The following WHRN variants were observed in gnomAD, a reference collection of about 807,000 sequenced individuals.
WHRN encodes CASK-interacting protein CIP98.
A neutral mutation model predicts 68.3 loss-of-function variants in WHRN; 41 were observed. The ratio of observed to expected loss-of-function variants is 0.60; its 90% CI spans 0.47 to 0.78. The LOEUF (loss-of-function observed/expected upper bound fraction) is 0.78, where lower values mean the gene tolerates loss of function less well. WHRN is among the 30% of genes least tolerant of loss of function. The pLI, the probability that WHRN is intolerant of heterozygous loss-of-function variation, is 0.00. For synonymous variants in WHRN, 560 were observed against 561.3 expected (o/e 1.00, Z 0.03); for missense variants, 1,243 against 1,244.7 (o/e 1.00, Z 0.02).
At chr9:114,478,203 G>A (rs1841808200) in intron 2 of WHRN, 2 of 622,196 alleles carry the variant, frequency 3.2e-6, no homozygotes, top group South Asian at 2.0e-5. Flanking sequence ...CACAAGAATT[G>A]CTTGAACCCT....
chr9:114,438,557 A>C (rs542768192), intron 3 of WHRN, among the ~76,000 whole-genome samples: 20 of 148,432 alleles, frequency 1.3e-4, no homozygotes, highest in Non-Finnish European at 2.5e-4. Flanking sequence ...TGTTCACACC[A>C]TTCTCCTGCC....
chr9:114,436,583 C>T (rs557866148), intron 3 of WHRN, among the ~76,000 whole-genome samples: 15 of 152,276 alleles, frequency 9.9e-5, no homozygotes, highest in African/African-American at 3.4e-4. Flanking sequence ...AATCCCAGCA[C>T]CTTGTGGGGC....
At chr9:114,413,545 C>A (rs965004752) in intron 7 of WHRN, among the ~76,000 whole-genome samples, 4 of 152,072 alleles carry the variant, frequency 2.6e-5, no homozygotes, top group Non-Finnish European at 5.9e-5. Context: ...CAGGTGGCGA[C>A]GGGGAATCAT....
At chr9:114,499,339 C>T (rs565190708) in intron 1 of WHRN, among the ~76,000 whole-genome samples, 5 of 152,242 alleles carry the variant, frequency 3.3e-5, no homozygotes, top group South Asian at 4.2e-4. Flanking sequence ...TAGAAGTCTG[C>T]GTGAGTTCAG....
chr9:114,461,669 G>A (rs139309209), intron 3 of WHRN, among the ~76,000 whole-genome samples: 1,993 of 152,204 alleles, frequency 0.013, 56 homozygotes, highest in Admixed American at 0.071. Context: ...CTTTCTGCCT[G>A]GAATTCTCAC....
At chr9:114,405,747 G>A (rs879341909) in intron 9 of WHRN, among the ~76,000 whole-genome samples, 44 of 152,220 alleles carry the variant, frequency 2.9e-4, no homozygotes, top group Non-Finnish European at 4.0e-4. Flanking sequence ...CACTGTAGCC[G>A]CAAGATGGCA....
chr9:114,418,518 C>A (rs1412583729), intron 7 of WHRN, among the ~76,000 whole-genome samples: 1 of 152,212 alleles, frequency 6.6e-6, no homozygotes, highest in African/African-American at 2.4e-5. Context: ...ATCAGGGGGA[C>A]CCTGTTAAAT....
intron 4 of WHRN, 70 bp from the exon 5 acceptor site, chr9:114,425,094 G>A: frequency 1.3e-6 from 2 of 1,498,758 alleles, no homozygotes; most frequent in South Asian, 1.1e-5. Context: ...AAGGGACAGG[G>A]TGACTTGGGG....
intron 1 of WHRN, chr9:114,503,220 G>C: frequency 1.0e-6 from 1 of 985,238 alleles, no homozygotes; most frequent in Non-Finnish European, 1.2e-6. Flanking sequence ...ACCTGCGCTG[G>C]CGGGGAGTGG....
chr9:114,474,416 A>T (rs1219494100), intron 2 of WHRN, among the ~76,000 whole-genome samples: 1 of 152,094 alleles, frequency 6.6e-6, no homozygotes, highest in South Asian at 2.1e-4. Flanking sequence ...TGTCTACAGA[A>T]AAAAAGTGTC....
chr9:114,456,151 A>AAAC (rs148294713), intron 3 of WHRN, among the ~76,000 whole-genome samples: 106,565 of 148,226 alleles, frequency 0.72, 38,479 homozygotes, highest in East Asian at 0.95. Flanking sequence ...AAAAAAAAAA[A>AAAC]CATCTCCAAA....
rs1844297671 is a variant in WHRN, at chr9:114,505,255, C to T, written c.-454G>A. ...CAGCCGGGCGCCCGTTCCTCTAGGGCTGGGGGACCCCAAAGTCAGAAGTTG... is the reference window on the plus strand; with the variant it reads ...CAGCCGGGCGCCCGTTCCTCTAGGGTTGGGGGACCCCAAAGTCAGAAGTTG... On this transcript the variant is annotated 5_prime_UTR_variant, in exon 1 of 12. Transcript: ENST00000362057. The T allele has an allele frequency of 6.3e-6, 1 of 158,296 alleles. No individual in the cohort carries two copies. Among genetic ancestry groups the T allele is most frequent in the African/African-American group, 2.4e-5 (1 of 41,634 alleles). The allele number at this position is 158,296 out of a possible 1,614,324, so 9.8% of individuals were successfully genotyped here. A position where few individuals can be genotyped will look rare whatever the true frequency, so the allele number is the denominator to read the frequency against.
At chr9:114,477,366 C>T (rs1242064102) in intron 2 of WHRN, among the ~76,000 whole-genome samples, 19 of 152,144 alleles carry the variant, frequency 1.2e-4, no homozygotes, top group Admixed American at 1.2e-3. Context: ...GTTCTTGGTT[C>T]CAGGAGTAAC....
chr9:114,456,266 T>G (rs1221783103), intron 3 of WHRN, among the ~76,000 whole-genome samples: 2 of 152,086 alleles, frequency 1.3e-5, no homozygotes, highest in Non-Finnish European at 2.9e-5. Flanking sequence ...TGACTTTATA[T>G]AAATTTGTAA....
intron 3 of WHRN, among the ~76,000 whole-genome samples, chr9:114,456,146 A>AG (rs1839773139): frequency 1.4e-5 from 1 of 72,950 alleles, no homozygotes; most frequent in Non-Finnish European, 2.9e-5. Context: ...TCTAAAAAAA[A>AG]AAAAACATCT....
chr9:114,500,739 C>T (rs2133427533), intron 1 of WHRN, among the ~76,000 whole-genome samples: 1 of 152,282 alleles, frequency 6.6e-6, no homozygotes, highest in Admixed American at 6.5e-5. Context: ...TTGAATGCTC[C>T]CAGGGCGGTG....
chr9:114,477,191 A>T lies in WHRN; in HGVS notation c.837+1362T>A, dbSNP rs373251554. On this transcript the variant is annotated intron_variant, in intron 2 of 11. Transcript: ENST00000362057. Reference sequence around the variant, plus strand: ...CCTGCATATTGACGTTTCAGCAAAGAACACAAAACACATTAAATAAATGTT... The same window carrying T: ...CCTGCATATTGACGTTTCAGCAAAGTACACAAAACACATTAAATAAATGTT... 6.6e-5 allele frequency among the ~76,000 whole-genome samples: 10 copies of T among 152,330 alleles called. 1 individual carries two copies. Among genetic ancestry groups the T allele is most frequent in the African/African-American group, 2.4e-4 (10 of 41,576 alleles).
intron 3 of WHRN, among the ~76,000 whole-genome samples, chr9:114,433,843 G>A (rs529884507): frequency 7.9e-5 from 12 of 152,118 alleles, no homozygotes; most frequent in East Asian, 1.9e-4. Context: ...GGATGGACCC[G>A]GCAAGGCTAA....
At chr9:114,488,196 G>A (rs561300952) in intron 1 of WHRN, among the ~76,000 whole-genome samples, 2 of 152,292 alleles carry the variant, frequency 1.3e-5, no homozygotes, top group Admixed American at 1.3e-4. Flanking sequence ...ATTAAAAGGG[G>A]CCATAACGCC....
Sources: allele counts gnomAD v4.1 joint callset (sites outside exome capture counted in the v4.1 genomes callset), GRCh38; gene constraint gnomAD v4.1.1; transcripts MANE v1.5; gene names NCBI Gene and HGNC (gene_info 2026-07-23, HGNC 2026-07-21).